The following PNO1 variants were observed in gnomAD, a reference collection of about 807,000 sequenced individuals.
PNO1 encodes the protein RNA-binding protein PNO1.
A neutral mutation model predicts 28.4 loss-of-function variants in PNO1; 16 were observed. The observed-to-expected ratio is 0.56, with a 90% CI of 0.38 to 0.85. PNO1 has a LOEUF of 0.85. PNO1 is among the 40% of genes least tolerant of loss of function. The probability of loss-of-function intolerance (pLI) is 0.00; values close to 1 mark genes in which losing one functional copy is unlikely to be tolerated. For synonymous variants in PNO1, 115 were observed against 110.8 expected (o/e 1.04, Z -0.24); for missense variants, 304 against 312.2 (o/e 0.97, Z 0.20).
At chr2:68,172,783 G>A (rs1349700749) in intron 5 of PNO1, among the ~76,000 whole-genome samples, 1 of 152,164 alleles carries the variant, frequency 6.6e-6, no homozygotes, top group East Asian at 1.9e-4. Context: ...GGATTAATGA[G>A]GGCATGCATA....
chr2:68,174,938 A>T lies in PNO1; in HGVS notation c.*136A>T. The T allele has an allele frequency of 1.8e-6, 1 of 546,806 alleles. No homozygotes were observed. Among genetic ancestry groups the T allele is most frequent in the Non-Finnish European group, 3.3e-6 (1 of 302,992 alleles). 33.9% of individuals were successfully genotyped at this position (546,806 alleles called of 1,614,324 possible). Reference sequence around the variant, plus strand: ...CCTTCTTCCATTCTCAGCCAGAAGCATAAACAGAAAAGAAAGATTTAAGAG... The same window carrying T: ...CCTTCTTCCATTCTCAGCCAGAAGCTTAAACAGAAAAGAAAGATTTAAGAG... On this transcript the variant is annotated 3_prime_UTR_variant, in exon 7 of 7. Coordinates refer to ENST00000263657, the MANE Select transcript of PNO1 (RefSeq NM_020143.4).
chr2:68,162,192 A>G, intron 3 of PNO1, 73 bp from the exon 4 acceptor site: 2 of 1,116,592 alleles, frequency 1.8e-6, no homozygotes, highest in Non-Finnish European at 2.7e-6. Context: ...TTAGTTCCAT[A>G]GTGCTTTGCA....
chr2:68,157,933 G>A lies in PNO1; in HGVS notation c.-2G>A. The A allele has an allele frequency of 1.2e-6, 2 of 1,613,730 alleles. No individual in the cohort carries two copies. Among genetic ancestry groups the A allele is most frequent in the South Asian group, 2.2e-5 (2 of 91,092 alleles). ...GCCGGCAGCGCTTTAAGATTTCCGG[G>A]GATGGAATCCGAAATGGAAACGCAG... is the stretch of plus-strand genomic sequence containing the variant. On this transcript the variant is annotated 5_prime_UTR_variant, in exon 1 of 7. Transcript: ENST00000263657.
In PNO1 at chr2:68,173,402, T is replaced by A. The variant is rs1203878234; in HGVS notation, c.676T>A (p.Cys226Ser). The A allele has an allele frequency of 1.3e-6, 2 of 1,598,818 alleles. No individual in the cohort carries two copies. Among genetic ancestry groups the A allele is most frequent in the East Asian group, 2.2e-5 (1 of 44,812 alleles). The change falls in exon 6 of 7, where the codon TGC (cysteine) becomes AGC (serine). Residue 226 changes from cysteine (C) to serine (S), a missense_variant. Transcript: ENST00000263657. ...QNIKMARTAI[C>S]NLILGNPPSK... Reference sequence around the variant, plus strand: ...TATCAAGATGGCAAGAACTGCCATTTGCAACCTAATCTTGGGTAATAGCAG... The same window carrying A: ...TATCAAGATGGCAAGAACTGCCATTAGCAACCTAATCTTGGGTAATAGCAG...
chr2:68,169,525 T>C (rs962053894), intron 5 of PNO1, among the ~76,000 whole-genome samples: 11 of 152,160 alleles, frequency 7.2e-5, no homozygotes, highest in Non-Finnish European at 2.9e-5. Flanking sequence ...ACAAGAGCAA[T>C]AGGTGGTGGC....
At chr2:68,174,442 T>A (rs555125557) in intron 6 of PNO1, among the ~76,000 whole-genome samples, 12 of 151,802 alleles carry the variant, frequency 7.9e-5, no homozygotes, top group African/African-American at 2.9e-4. Context: ...AGAAAAAAAA[T>A]ATATAAAAAT....
intron 5 of PNO1, among the ~76,000 whole-genome samples, chr2:68,168,086 T>G (rs1209020577): frequency 1.3e-5 from 2 of 152,196 alleles, no homozygotes. Context: ...AAGTATAGCC[T>G]TCAGCAGAGA....
chr2:68,162,290 A>G lies in PNO1; in HGVS notation c.467A>G (p.Asp156Gly). The G allele has an allele frequency of 2.5e-6, 4 of 1,613,404 alleles. No homozygotes were observed. Among genetic ancestry groups the G allele is most frequent in the Non-Finnish European group, 3.4e-6 (4 of 1,179,416 alleles). The change falls in exon 4 of 7, where the codon GAT becomes GGT. Residue 156 changes from aspartate to glycine, a missense_variant. Transcript: ENST00000263657. ...VEDALALIRL[D>G]DLFLESFEIT... ...GATGCACTTGCCCTCATCAGGTTGG[A>G]TGACCTCTTCCTAGAGTCTTTTGAA... is the stretch of plus-strand genomic sequence containing the variant.
In PNO1 at chr2:68,174,953, A is replaced by T; in HGVS notation, c.*151A>T. On this transcript the variant is annotated 3_prime_UTR_variant, in exon 7 of 7. Coordinates refer to ENST00000263657, the MANE Select transcript of PNO1 (RefSeq NM_020143.4). Reference sequence around the variant, plus strand: ...AGCCAGAAGCATAAACAGAAAAGAAAGATTTAAGAGGATTCACACTCAACA... The same window carrying T: ...AGCCAGAAGCATAAACAGAAAAGAATGATTTAAGAGGATTCACACTCAACA... 1.9e-6 allele frequency: 1 copy of T among 531,342 alleles called. No individual in the cohort carries two copies. The highest frequency in any genetic ancestry group is 3.4e-6 in the Non-Finnish European group (1 of 295,154). 32.9% of individuals were successfully genotyped at this position (531,342 alleles called of 1,614,324 possible). A position where few individuals can be genotyped will look rare whatever the true frequency, so the allele number is the denominator to read the frequency against.
chr2:68,163,598 TCTATTAA>T (rs1673900299), intron 5 of PNO1, among the ~76,000 whole-genome samples: 1 of 151,912 alleles, frequency 6.6e-6, no homozygotes, highest in African/African-American at 2.4e-5. Flanking sequence ...CTCAAGGGAA[TCTATTAA>T]ATCACTAGGG....
intron 5 of PNO1, among the ~76,000 whole-genome samples, chr2:68,170,786 G>C (rs1674113392): frequency 6.8e-6 from 1 of 146,060 alleles, no homozygotes; most frequent in South Asian, 2.2e-4. Flanking sequence ...AATTTCTACT[G>C]CCTACCTCCA....
intron 1 of PNO1, 82 bp from the exon 2 acceptor site, chr2:68,158,298 G>A (rs1032723412): frequency 3.5e-6 from 5 of 1,420,018 alleles, no homozygotes; most frequent in South Asian, 1.3e-5. Context: ...GTTAAAGGAG[G>A]CCCTTTGTGG....
At chr2:68,173,841 A>T (rs891391683) in intron 6 of PNO1, among the ~76,000 whole-genome samples, 5 of 152,148 alleles carry the variant, frequency 3.3e-5, no homozygotes, top group African/African-American at 1.2e-4. Context: ...TCAGCCTCCC[A>T]AAGTGCTGGG....
chr2:68,172,082 A>G (rs192450251), intron 5 of PNO1, among the ~76,000 whole-genome samples: 6 of 152,250 alleles, frequency 3.9e-5, no homozygotes, highest in Non-Finnish European at 7.4e-5. Context: ...GGCATAAAGG[A>G]TATCAAGGAC....
chr2:68,158,441 A>G lies in PNO1; in HGVS notation c.269A>G (p.Glu90Gly), dbSNP rs1673732225. The G allele has an allele frequency of 6.2e-7, 1 of 1,613,630 alleles. No homozygotes were observed. Among genetic ancestry groups the G allele is most frequent in the Non-Finnish European group, 8.5e-7 (1 of 1,179,532 alleles). Reference sequence around the variant, plus strand: ...GCTAACAGATACACACCATTGAAAGAAAACTGGATGAAGATATTTACTCCT... The same window carrying G: ...GCTAACAGATACACACCATTGAAAGGAAACTGGATGAAGATATTTACTCCT... The part of the protein sequence containing the change: ...VPANRYTPLK[E>G]NWMKIFTPIV... Residue 90 changes from glutamate to glycine, a missense_variant, in exon 2 of 7, where the codon GAA becomes GGA. Transcript: ENST00000263657.
chr2:68,161,423 C>CA (rs1161085005), intron 2 of PNO1: 17 of 469,604 alleles, frequency 3.6e-5, no homozygotes, highest in Non-Finnish European at 6.5e-5. Context: ...CTGTTAACCC[C>CA]AAAATCTGAT....
chr2:68,162,425 T>TTA lies in PNO1; in HGVS notation c.503-106_503-105dup, dbSNP rs576350152. The TTA allele has an allele frequency of 6.4e-3, 6,064 of 950,994 alleles. 16 individuals are homozygous for TTA. Among genetic ancestry groups the TTA allele is most frequent in the African/African-American group, 0.023 (1,348 of 59,306 alleles). 58.9% of individuals were successfully genotyped at this position (950,994 alleles called of 1,614,324 possible). A position where few individuals can be genotyped will look rare whatever the true frequency, so the allele number is the denominator to read the frequency against. On this transcript the variant is annotated intron_variant, in intron 4 of 6. Transcript: ENST00000263657. ...TCAATTGAGCTGTATTTTTAGCAACTTATATATATATATATACACTTTGTG... is the reference window on the plus strand; with the variant it reads ...TCAATTGAGCTGTATTTTTAGCAACTTATATATATATATATATACACTTTGTG...
At chr2:68,172,571 G>A (rs1301467605) in intron 5 of PNO1, among the ~76,000 whole-genome samples, 1 of 152,202 alleles carries the variant, frequency 6.6e-6, no homozygotes, top group Non-Finnish European at 1.5e-5. Flanking sequence ...CATTAAAAGG[G>A]TCTAAATGAT....
chr2:68,159,200 A>G (rs1351715820), intron 2 of PNO1, among the ~76,000 whole-genome samples: 1 of 152,098 alleles, frequency 6.6e-6, no homozygotes, highest in Non-Finnish European at 1.5e-5. Context: ...CTGTGTTTTA[A>G]TGGTGCTCTT....
Sources: gnomAD v4.1 joint callset for allele counts (sites outside exome capture counted in the v4.1 genomes callset) on GRCh38, gnomAD v4.1.1 for gene constraint, MANE v1.5 for transcripts, NCBI Gene and HGNC (gene_info 2026-07-23, HGNC 2026-07-21) for gene names.